Variants in DSE observed in about 807,000 individuals in gnomAD.
DSE encodes dermatan sulfate epimerase.
In DSE, 36 loss-of-function variants were observed where a neutral mutation model predicts 84.4. The observed-to-expected ratio is 0.43, with a 90% CI of 0.33 to 0.56. The LOEUF is 0.56. Ranked by LOEUF, DSE falls within the 20% of genes least tolerant of loss-of-function variation. The probability of loss-of-function intolerance (pLI) is 0.06; values close to 1 mark genes in which losing one functional copy is unlikely to be tolerated. For synonymous variants in DSE, 410 were observed against 430.1 expected (o/e 0.95, Z 0.58); for missense variants, 862 against 1,169.6 (o/e 0.74, Z 3.84).
chr6:116,388,140 G>A (rs553860172), intron 1 of DSE, among the ~76,000 whole-genome samples: 335 of 152,270 alleles, frequency 2.2e-3, no homozygotes, highest in Middle Eastern at 0.014. Flanking sequence ...ATGGGCTTTT[G>A]TAATTTGGAG....
chr6:116,269,437 A>T (rs1367876823), intron 2 of DSE, among the ~76,000 whole-genome samples: 1 of 152,200 alleles, frequency 6.6e-6, no homozygotes, highest in African/African-American at 2.4e-5. Flanking sequence ...TCTATTATGA[A>T]ACTGTAATTG....
rs2115033214 is a variant in DSE, at chr6:116,414,863, T to C, written c.417-11711T>C. ...GGTAAGTTTTTTATATGGTTATCTC[T>C]AGTGACCAGCCAGACTCTCACTCTT... On this transcript the variant is annotated intron_variant, in intron 2 of 5. Coordinates refer to ENST00000644252, the MANE Select transcript of DSE (RefSeq NM_013352.4). Among the ~76,000 whole-genome samples, 4 of 129,290 alleles carry C rather than the reference T, an allele frequency of 3.1e-5. 1 individual carries two copies. In the Middle Eastern group the frequency reaches 0.015, roughly 482 times the overall value. The allele number at this position is 129,290 out of a possible 152,430, so 84.8% of individuals were successfully genotyped here.
chr6:116,415,770 T>C (rs1438996451), intron 2 of DSE, among the ~76,000 whole-genome samples: 1 of 152,224 alleles, frequency 6.6e-6, no homozygotes, highest in Non-Finnish European at 1.5e-5. Flanking sequence ...CTGCATGGTT[T>C]AATTTCTCCC....
chr6:116,320,402 G>A (rs1038180937), intron 2 of DSE, among the ~76,000 whole-genome samples: 14 of 151,676 alleles, frequency 9.2e-5, no homozygotes, highest in Non-Finnish European at 7.4e-5. Flanking sequence ...AAGAGTCTAG[G>A]ATGTATTTCT....
At chr6:116,409,574 C>A (rs140554129) in intron 2 of DSE, among the ~76,000 whole-genome samples, 1 of 152,170 alleles carries the variant, frequency 6.6e-6, no homozygotes, top group South Asian at 2.1e-4. Context: ...CCAACACGCC[C>A]GGCCAATATA....
chr6:116,273,532 T>A (rs1772975423), intron 2 of DSE, among the ~76,000 whole-genome samples: 1 of 152,324 alleles, frequency 6.6e-6, no homozygotes. Context: ...AGTCTAGGAC[T>A]TTAATTATAT....
intron 4 of DSE, among the ~76,000 whole-genome samples, chr6:116,432,321 G>A (rs1055519353): frequency 1.3e-5 from 2 of 152,176 alleles, no homozygotes; most frequent in Non-Finnish European, 2.9e-5. Context: ...ACATGTCTAA[G>A]AGCAGCATTT....
At chr6:116,377,312 A>G (rs1779985070) in intron 1 of DSE, among the ~76,000 whole-genome samples, 1 of 152,232 alleles carries the variant, frequency 6.6e-6, no homozygotes, top group African/African-American at 2.4e-5. Context: ...GAATTTGTAA[A>G]GGAAATAGGC....
chr6:116,388,306 G>A (rs1431236422), intron 1 of DSE, among the ~76,000 whole-genome samples: 2 of 152,168 alleles, frequency 1.3e-5, no homozygotes, highest in Non-Finnish European at 2.9e-5. Flanking sequence ...AGCCCAAGCA[G>A]TTAGGCCGAG....
At chr6:116,286,475 G>A (rs191684506) in intron 2 of DSE, among the ~76,000 whole-genome samples, 49 of 152,096 alleles carry the variant, frequency 3.2e-4, no homozygotes, top group African/African-American at 1.2e-3. Context: ...CCCAAATTCA[G>A]TATTTTCTCA....
intron 2 of DSE, among the ~76,000 whole-genome samples, chr6:116,421,459 A>T (rs1257347688): frequency 1.0e-4 from 8 of 76,446 alleles, no homozygotes; most frequent in Non-Finnish European, 1.6e-4. Context: ...ATATATATAT[A>T]TATATTTTTT....
Position 116,436,642 on chromosome 6 carries a change from C to T in DSE, c.2174C>T (p.Ser725Leu), listed in dbSNP as rs568511733. 3.7e-6 allele frequency: 6 copies of T among 1,614,186 alleles called. No individual in the cohort carries two copies. In the South Asian group the frequency reaches 4.4e-5, roughly 12 times the overall value. ...DRHKILFDRN[S>L]AIKSSIVPEV... The stretch of plus-strand genomic sequence containing the variant: ...CACAAAATTCTGTTTGACCGGAATT[C>T]AGCCATCAAGAGCAGCATTGTCCCT... The change falls in exon 6 of 6, where the codon TCA becomes TTA. Residue 725 changes from serine (S) to leucine (L), a missense_variant. Physicochemically the swap from Ser to Leu is moderately radical, Grantham distance 145 (BLOSUM62 -2). Coordinates refer to ENST00000644252, the MANE Select transcript of DSE (RefSeq NM_013352.4).
At chr6:116,346,469 A>G (rs886102200) in intron 2 of DSE, among the ~76,000 whole-genome samples, 29 of 152,330 alleles carry the variant, frequency 1.9e-4, no homozygotes, top group African/African-American at 6.7e-4. Context: ...TTCAACATAC[A>G]CAAATCAATA....
chr6:116,348,039 TA>T (rs1255756825), intron 2 of DSE, among the ~76,000 whole-genome samples: 3 of 152,026 alleles, frequency 2.0e-5, no homozygotes. Flanking sequence ...ACGGACACAT[TA>T]AAAAATGGTC....
intron 1 of DSE, among the ~76,000 whole-genome samples, chr6:116,395,173 C>G (rs1366162088): frequency 1.3e-5 from 2 of 152,186 alleles, no homozygotes; most frequent in Non-Finnish European, 2.9e-5. Context: ...CGCCTGTAAT[C>G]CCAGCACTTT....
chr6:116,321,141 T>C (rs1458795768), intron 2 of DSE, among the ~76,000 whole-genome samples: 1 of 152,104 alleles, frequency 6.6e-6, no homozygotes, highest in Non-Finnish European at 1.5e-5. Flanking sequence ...CAAATACTCA[T>C]TTAAAAAAAC....
At chr6:116,280,228 T>A in intron 2 of DSE, 1 of 294,856 alleles carries the variant, frequency 3.4e-6, no homozygotes. Flanking sequence ...AAAACAAATG[T>A]TTTTCTGGTC....
chr6:116,426,967 C>A, intron 3 of DSE, 140 bp downstream of exon 3: 1 of 1,136,824 alleles, frequency 8.8e-7, no homozygotes, highest in East Asian at 2.6e-5. Context: ...GAAGTAGTCC[C>A]TACAGTATCA....
intron 2 of DSE, among the ~76,000 whole-genome samples, chr6:116,415,072 GTCT>G (rs950770245): frequency 6.6e-6 from 1 of 152,208 alleles, no homozygotes; most frequent in African/African-American, 2.4e-5. Context: ...CTTGTGCCAT[GTCT>G]TCTTTTTGAT....
Sources: allele counts gnomAD v4.1 joint callset (sites outside exome capture counted in the v4.1 genomes callset), GRCh38; gene constraint gnomAD v4.1.1; transcripts MANE v1.5; gene names NCBI Gene and HGNC (gene_info 2026-07-23, HGNC 2026-07-21).